Variants in TNIK observed in about 807,000 individuals in gnomAD.
The protein encoded by TNIK is TRAF2 and NCK-interacting protein kinase.
Under a neutral mutation model 191.3 loss-of-function variants are expected in TNIK, and 49 were observed. The ratio of observed to expected loss-of-function variants is 0.26; its 90% CI spans 0.20 to 0.32. TNIK has a LOEUF of 0.32. Among genes scored for constraint, TNIK ranks in the 10% least tolerant of loss-of-function variants. The pLI, the probability that TNIK is intolerant of heterozygous loss-of-function variation, is 1.00. For missense variants in TNIK, 1,155 were observed against 1,702.3 expected (o/e 0.68, Z 5.66); for synonymous variants, 594 against 600.9 (o/e 0.99, Z 0.17).
intron 1 of TNIK, among the ~76,000 whole-genome samples, chr3:171,404,539 T>TA (rs534740229): frequency 5.9e-5 from 9 of 151,968 alleles, no homozygotes; most frequent in South Asian, 2.1e-4. Flanking sequence ...TTTTTTTTTT[T>TA]AACCGAGCTA....
chr3:171,289,759 A>G (rs1038141309), intron 2 of TNIK, among the ~76,000 whole-genome samples: 11 of 152,042 alleles, frequency 7.2e-5, no homozygotes, highest in Non-Finnish European at 1.6e-4. Flanking sequence ...AAAATTAGCC[A>G]GGAATGGTGG....
Position 171,351,567 on chromosome 3 carries a change from G to A in TNIK, c.123+18053C>T, listed in dbSNP as rs546144987. Among the ~76,000 whole-genome samples, 92 of 152,242 alleles carry A rather than the reference G, an allele frequency of 6.0e-4. 1 individual carries two copies. Among genetic ancestry groups the A allele is most frequent in the African/African-American group, 2.1e-3 (89 of 41,556 alleles). ...TTTCTCATTTTAATATGAAATAACA[G>A]CACCAGAGAAAGTTCCAAAATATCT... On this transcript the variant is annotated intron_variant, in intron 2 of 32. Transcript: ENST00000436636.
intron 2 of TNIK, among the ~76,000 whole-genome samples, chr3:171,317,452 G>A (rs1374110717): frequency 7.9e-5 from 12 of 152,124 alleles, no homozygotes; most frequent in Non-Finnish European, 1.5e-4. Context: ...ATGTACTATG[G>A]TCTTGGTGCC....
At chr3:171,379,881 C>T (rs919093791) in intron 1 of TNIK, among the ~76,000 whole-genome samples, 4 of 152,016 alleles carry the variant, frequency 2.6e-5, no homozygotes, top group Admixed American at 6.6e-5. Flanking sequence ...TGGTGGTACA[C>T]GCCTATAATC....
intron 15 of TNIK, among the ~76,000 whole-genome samples, chr3:171,137,107 CCTTT>C (rs1730115784): frequency 8.5e-6 from 1 of 117,620 alleles, no homozygotes; most frequent in East Asian, 2.3e-4. Context: ...TTTTAAAAAT[CCTTT>C]TTTTTTTTTT....
At chr3:171,110,349 G>A (rs1725656543) in intron 19 of TNIK, among the ~76,000 whole-genome samples, 1 of 152,150 alleles carries the variant, frequency 6.6e-6, no homozygotes, top group Admixed American at 6.5e-5. Flanking sequence ...CAGGACAATT[G>A]GTGCAATGCG....
At chr3:171,393,304 G>A (rs1719811927) in intron 1 of TNIK, among the ~76,000 whole-genome samples, 1 of 152,154 alleles carries the variant, frequency 6.6e-6, no homozygotes, top group Non-Finnish European at 1.5e-5. Context: ...AGACATTCCT[G>A]GCTGGAATCC....
intron 32 of TNIK, 82 bp from the exon 33 acceptor site, chr3:171,064,046 C>G (rs1397472595): frequency 7.5e-7 from 1 of 1,328,140 alleles, no homozygotes; most frequent in Non-Finnish European, 1.1e-6. Context: ...TTTTCTCTCA[C>G]ATGTCCTATC....
intron 2 of TNIK, among the ~76,000 whole-genome samples, chr3:171,364,070 C>G (rs565576335): frequency 6.6e-6 from 1 of 152,168 alleles, no homozygotes. Flanking sequence ...TTTGCAGTTT[C>G]TGGAGGTGCG....
At chr3:171,339,008 A>G (rs1322501639) in intron 2 of TNIK, among the ~76,000 whole-genome samples, 2 of 152,184 alleles carry the variant, frequency 1.3e-5, no homozygotes, top group Non-Finnish European at 2.9e-5. Context: ...TGCCTTCCCC[A>G]TGATGTTCGT....
intron 1 of TNIK, among the ~76,000 whole-genome samples, chr3:171,426,485 C>A (rs1048685484): frequency 6.6e-6 from 1 of 151,814 alleles, no homozygotes; most frequent in Non-Finnish European, 1.5e-5. Flanking sequence ...AGCACACCAA[C>A]ATGGCACATG....
chr3:171,454,069 A>C (rs1728508819), intron 1 of TNIK, among the ~76,000 whole-genome samples: 1 of 152,214 alleles, frequency 6.6e-6, no homozygotes, highest in African/African-American at 2.4e-5. Context: ...CTGCTAACAA[A>C]CCAGTTTAGG....
At chr3:171,339,133 T>C (rs1757270375) in intron 2 of TNIK, among the ~76,000 whole-genome samples, 1 of 152,222 alleles carries the variant, frequency 6.6e-6, no homozygotes, top group Admixed American at 6.5e-5. Flanking sequence ...ATTTCACTCA[T>C]TGGCACTAAG....
Position 171,211,253 on chromosome 3 carries a change from C to A in TNIK, c.181-12G>T, listed in dbSNP as rs1165293911. Reference sequence around the variant, plus strand: ...TCTTCCTCTTCATCCTGTATGAGAACAATATAAAAATTCTGTCATGAAAAT... The same window carrying A: ...TCTTCCTCTTCATCCTGTATGAGAAAAATATAAAAATTCTGTCATGAAAAT... On this transcript the variant is annotated splice_polypyrimidine_tract_variant and intron_variant, in intron 3 of 32. Coordinates refer to ENST00000436636, the MANE Select transcript of TNIK (RefSeq NM_015028.4). 1 of 1,582,576 alleles carries A rather than the reference C, an allele frequency of 6.3e-7. No individual in the cohort carries two copies. The highest frequency in any genetic ancestry group is 1.8e-5 in the Admixed American group (1 of 55,896).
rs118165810 is a variant in TNIK at position 171,330,986 on chromosome 3, C to T, written c.123+38634G>A. Among the ~76,000 whole-genome samples, 938 of 152,268 alleles carry T rather than the reference C, an allele frequency of 6.2e-3. 28 individuals carry two copies. The highest frequency in any genetic ancestry group is 0.058 in the South Asian group (280 of 4,824). On this transcript the variant is annotated intron_variant, in intron 2 of 32. Coordinates refer to ENST00000436636, the MANE Select transcript of TNIK (RefSeq NM_015028.4). ...GTCCTCCCACAAAATAACACCACCA[C>T]GAGTTATAGAGGTGCCCATTTCGCT...
chr3:171,104,600 G>A (rs1724376208), intron 21 of TNIK, among the ~76,000 whole-genome samples: 1 of 151,184 alleles, frequency 6.6e-6, no homozygotes, highest in South Asian at 2.1e-4. Context: ...TAACTATTAT[G>A]CACATCTTGA....
chr3:171,304,366 C>G (rs926187328), intron 2 of TNIK, among the ~76,000 whole-genome samples: 9 of 151,110 alleles, frequency 6.0e-5, no homozygotes, highest in East Asian at 3.9e-4. Flanking sequence ...AACAACAGGT[C>G]CTGGAGAGGA....
intron 1 of TNIK, among the ~76,000 whole-genome samples, chr3:171,376,582 G>A (rs944667923): frequency 2.0e-5 from 3 of 152,046 alleles, no homozygotes; most frequent in African/African-American, 2.4e-5. Context: ...TCATCATAAC[G>A]ACAAGCAGCA....
chr3:171,312,558 G>A (rs1754158415), intron 2 of TNIK, among the ~76,000 whole-genome samples: 1 of 151,884 alleles, frequency 6.6e-6, no homozygotes, highest in Admixed American at 6.6e-5. Context: ...GTATCCAATG[G>A]GTCAGAAGAT....
Sources: gnomAD v4.1 joint callset for allele counts (sites outside exome capture counted in the v4.1 genomes callset) on GRCh38, gnomAD v4.1.1 for gene constraint, MANE v1.5 for transcripts, NCBI Gene and HGNC (gene_info 2026-07-23, HGNC 2026-07-21) for gene names.